The following G6PD variants were observed in gnomAD, a reference collection of about 807,000 sequenced individuals.
The protein encoded by G6PD is glucose-6-phosphate 1-dehydrogenase.
Under a neutral mutation model 38.2 loss-of-function variants are expected in G6PD, and 2 were observed. The observed-to-expected ratio is 0.05, with a 90% CI of 0.02 to 0.16. G6PD has a LOEUF of 0.16. Among genes scored for constraint, G6PD ranks in the 10% least tolerant of loss-of-function variants. The pLI, the probability that G6PD is intolerant of heterozygous loss-of-function variation, is 1.00. For missense variants in G6PD, 310 were observed against 471.6 expected (o/e 0.66, Z 3.17); for synonymous variants, 188 against 196.0 (o/e 0.96, Z 0.34).
At chrX:154,536,240 T>G (rs2070407420) in intron 2 of G6PD, 62 bp from the exon 3 acceptor site, 1 of 1,075,562 alleles carries the variant, frequency 9.3e-7, no homozygotes, top group Non-Finnish European at 1.3e-6. Flanking sequence ...ACATACATCA[T>G]CCTCCACCCT....
chrX:154,535,776 C>A, intron 4 of G6PD, 161 bp downstream of exon 4: 1 of 508,966 alleles, frequency 2.0e-6, no homozygotes, highest in Non-Finnish European at 3.5e-6. Flanking sequence ...GTCACGGGGG[C>A]TGGTAATGGG....
At chrX:154,535,105 G>C in intron 5 of G6PD, 63 bp downstream of exon 5, 2 of 1,058,198 alleles carry the variant, frequency 1.9e-6, no homozygotes, top group Admixed American at 4.4e-5. Flanking sequence ...CGCTCATAGA[G>C]TGGTGGGAGC....
intron 2 of G6PD, chrX:154,542,375 G>C: frequency 8.3e-7 from 1 of 1,207,927 alleles, no homozygotes; most frequent in Non-Finnish European, 1.1e-6. Flanking sequence ...CAGCATCATC[G>C]AGGTCCCATC....
In G6PD at chrX:154,536,024, A is replaced by G. The variant is rs782513445; in HGVS notation, c.180T>C (p.Leu60=). 2 of 1,211,814 alleles carry G rather than the reference A, an allele frequency of 1.7e-6. No individual in the cohort carries two copies. The highest frequency in any genetic ancestry group is 4.3e-5 in the Admixed American group (2 of 46,114). Residue 60 remains leucine, a synonymous_variant, in exon 4 of 13, where the codon CTT becomes CTC. Coordinates refer to ENST00000393562, the MANE Select transcript of G6PD (RefSeq NM_001360016.2). ...CCACGATGAAGGTGTTTTCGGGCAG[A>G]AGGCCATCCCGGAACAGCCACCTGA... The part of the protein sequence containing the change: ...PTIWWLFRDG[L]LPENTFIVGY...
intron 2 of G6PD, among the ~76,000 whole-genome samples, chrX:154,543,961 G>A (rs2070607368): frequency 9.4e-6 from 1 of 106,785 alleles, no homozygotes; most frequent in Non-Finnish European, 1.9e-5. Flanking sequence ...TCCGCCTCCC[G>A]AGTTCACGCC....
At chrX:154,540,362 G>A (rs1171233939) in intron 2 of G6PD, among the ~76,000 whole-genome samples, 3 of 110,422 alleles carry the variant, frequency 2.7e-5, no homozygotes, top group East Asian at 2.9e-4. Context: ...CCAGCTACTC[G>A]GGAGGCTGAG....
rs1557230204 is a variant in G6PD at position 154,534,091 on chromosome X, C to T, written c.714G>A (p.Lys238=). 3.9e-5 allele frequency: 47 copies of T among 1,211,903 alleles called. No homozygotes were observed. Among genetic ancestry groups the T allele is most frequent in the Non-Finnish European group, 5.2e-5 (47 of 895,428 alleles). ...CGCGACCCTCAGTGCCAAAGGGCTC[C>T]TTGAAGGTGAGGATAACGCAGGCGA... is the stretch of plus-strand genomic sequence containing the variant. ...DNIACVILTF[K]EPFGTEGRGG... Residue 238 remains lysine, a synonymous_variant, in exon 7 of 13, where the codon AAG becomes AAA. Transcript: ENST00000393562.
At position 154,541,987 on chromosome X, in the gene G6PD, C is replaced by G. The variant is rs782137502; in HGVS notation, c.120+4049G>C. Among the ~76,000 whole-genome samples the G allele has an allele frequency of 6.2e-5, 7 of 112,064 alleles. No homozygotes were observed. In the South Asian group the frequency reaches 2.6e-3, roughly 42 times the overall value. On this transcript the variant is annotated intron_variant, in intron 2 of 12. Transcript: ENST00000393562. ...GTGGAGCCCTGGGCCTTGGCAGGGGCCCAGCTGGTTCCTGGCCACTGGGGC... is the reference window on the plus strand; with the variant it reads ...GTGGAGCCCTGGGCCTTGGCAGGGGGCCAGCTGGTTCCTGGCCACTGGGGC...
intron 2 of G6PD, among the ~76,000 whole-genome samples, chrX:154,537,421 C>T (rs782312952): frequency 1.8e-5 from 2 of 112,187 alleles, no homozygotes; most frequent in African/African-American, 6.5e-5. Context: ...AGTTCAAGAC[C>T]AGCCTGACCA....
At position 154,534,145 on chromosome X, in the gene G6PD, G is replaced by C. The variant is rs782771682; in HGVS notation, c.660C>G (p.Ile220Met). The C allele has an allele frequency of 4.1e-6, 5 of 1,210,612 alleles. No homozygotes were observed. Among genetic ancestry groups the C allele is most frequent in the Non-Finnish European group, 3.4e-6 (3 of 895,305 alleles). Residue 220 changes from isoleucine to methionine, a missense_variant, in exon 7 of 13, where the codon ATC becomes ATG. Ile to Met is a conservative substitution (Grantham distance 10). Transcript: ENST00000393562. ...TGTCCCGGTTCCAGATGGGGCCGAA[G>C]ATCCTGTTGGCAAATCTGCAGGGAG... The part of the protein sequence containing the change: ...NLMVLRFANR[I>M]FGPIWNRDNI...
rs782242426 is a variant in G6PD, at chrX:154,535,927, C to T, written c.267+10G>A. ...AGAACCAGGCTGGGGGAGGCCCTGA[C>T]ACCACCCACCTTGAAGAAGGGCTCA... is the stretch of plus-strand genomic sequence containing the variant. On this transcript the variant is annotated intron_variant, in intron 4 of 12. Transcript: ENST00000393562. The T allele has an allele frequency of 1.7e-6, 2 of 1,199,293 alleles. No individual in the cohort carries two copies. The highest frequency in any genetic ancestry group is 2.3e-6 in the Non-Finnish European group (2 of 884,461).
upstream of G6PD, chrX:154,547,110 C>T (rs181224733): frequency 1.5e-4 from 23 of 150,111 alleles, no homozygotes; most frequent in East Asian, 3.9e-3. Flanking sequence ...ACGGGTGCAG[C>T]TCCGCGTAGT....
In G6PD at chrX:154,537,970, A is replaced by G. The variant is rs5986991; in HGVS notation, c.121-1792T>C. ...ACTTTGGGAGACCAAGGTGGGAGGA[A>G]GATTGCTTGAAATCAGGAGGTTTTT... On this transcript the variant is annotated intron_variant, in intron 2 of 12. Coordinates refer to ENST00000393562, the MANE Select transcript of G6PD (RefSeq NM_001360016.2). Among the ~76,000 whole-genome samples the G allele has an allele frequency of 0.13, 13,987 of 108,594 alleles. 2,388 individuals carry two copies. Among genetic ancestry groups the G allele is most frequent in the African/African-American group, 0.45 (13,178 of 29,197 alleles). 94.3% of individuals were successfully genotyped at this position (108,594 alleles called of 115,157 possible). A position where few individuals can be genotyped will look rare whatever the true frequency, so the allele number is the denominator to read the frequency against.
rs1003923823 is a variant in G6PD at position 154,531,677 on chromosome X, T to C, written c.*323A>G. 16 of 276,007 alleles carry C rather than the reference T, an allele frequency of 5.8e-5. No homozygotes were observed. Among genetic ancestry groups the C allele is most frequent in the African/African-American group, 4.0e-4 (14 of 34,888 alleles). The allele number at this position is 276,007 out of a possible 1,213,427, so 22.7% of individuals were successfully genotyped here. On this transcript the variant is annotated 3_prime_UTR_variant, in exon 13 of 13. Transcript: ENST00000393562. ...CTCCCACCCTGGCCCCACTCAGGAG[T>C]GAGACCCAGTGGCCAATAAGCTCTG...
Position 154,532,576 on chromosome X carries a change from G to C in G6PD, c.1278C>G (p.Asn426Lys), listed in dbSNP as rs1557229652. The change falls in exon 10 of 13, where the codon AAC (asparagine) becomes AAG (lysine). Residue 426 changes from asparagine (N) to lysine (K), a missense_variant. By Grantham distance (94) the Asn-to-Lys change is moderately conservative. Transcript: ENST00000393562. Reference sequence around the variant, plus strand: ...CTTCTCTGTAGGGCACCTTGTATCTGTTGCCGTAGGTCAGGTCCAGCTCCG... The same window carrying C: ...CTTCTCTGTAGGGCACCTTGTATCTCTTGCCGTAGGTCAGGTCCAGCTCCG... ...EESELDLTYG[N>K]RYKNVKLPDA... 1.4e-5 allele frequency: 17 copies of C among 1,212,000 alleles called. No individual in the cohort carries two copies. Among genetic ancestry groups the C allele is most frequent in the Non-Finnish European group, 1.9e-5 (17 of 895,292 alleles).
At chrX:154,545,691 C>T (rs1336560975) in intron 2 of G6PD, 3 of 222,426 alleles carry the variant, frequency 1.3e-5, no homozygotes, top group East Asian at 1.2e-4. Flanking sequence ...AAAAATTAGC[C>T]GGGTGTGGTG....
At chrX:154,536,781 G>T (rs1404689312) in intron 2 of G6PD, among the ~76,000 whole-genome samples, 1 of 111,810 alleles carries the variant, frequency 8.9e-6, no homozygotes, top group Non-Finnish European at 1.9e-5. Flanking sequence ...AGTGAGCCGA[G>T]ATCGTGCCAC....
In G6PD at chrX:154,536,191, G is replaced by A. The variant is rs782558415; in HGVS notation, c.121-13C>T. 5.6e-5 allele frequency: 68 copies of A among 1,207,872 alleles called. No individual in the cohort carries two copies. The highest frequency in any genetic ancestry group is 7.2e-5 in the Non-Finnish European group (64 of 893,321). ...TGGCCAGGTCACCCTGTGGCAGAGG[G>A]AACAGGTGTGTGGTTAGAAGTGGCT... On this transcript the variant is annotated splice_polypyrimidine_tract_variant and intron_variant, in intron 2 of 12. Coordinates refer to ENST00000393562, the MANE Select transcript of G6PD (RefSeq NM_001360016.2).
intron 11 of G6PD, 40 bp from the exon 12 acceptor site, chrX:154,532,320 C>T (rs1557229547): frequency 8.3e-7 from 1 of 1,209,750 alleles, no homozygotes; most frequent in Non-Finnish European, 1.1e-6. Flanking sequence ...CGGTGGCACA[C>T]AGGGAGGGAG....
Sources: gnomAD v4.1 joint callset for allele counts (sites outside exome capture counted in the v4.1 genomes callset) on GRCh38, gnomAD v4.1.1 for gene constraint, MANE v1.5 for transcripts, NCBI Gene and HGNC (gene_info 2026-07-23, HGNC 2026-07-21) for gene names.